IGSF10: variants seen among roughly 807,000 people sequenced by gnomAD.
IGSF10 encodes calvaria mechanical force protein 608.
A neutral mutation model predicts 128.2 loss-of-function variants in IGSF10; 126 were observed. That is an observed-to-expected ratio of 0.98 (90% CI 0.85 to 1.14). IGSF10 has a LOEUF of 1.14. IGSF10 is among the 50% of genes most tolerant of loss of function. IGSF10 has a pLI of 0.00. For synonymous variants in IGSF10, 1,185 were observed against 1,146.2 expected (o/e 1.03, Z -0.68); for missense variants, 3,295 against 3,149.8 (o/e 1.05, Z -1.10).
the IGSF10 span, among the ~76,000 whole-genome samples, chr3:151,575,902 C>A: frequency 6.6e-6 from 1 of 152,104 alleles, no homozygotes; most frequent in Non-Finnish European, 1.5e-5. Flanking sequence ...TCTTTGTGGA[C>A]TTACGTATAG....
the IGSF10 span, among the ~76,000 whole-genome samples, chr3:151,593,448 T>C: frequency 4.1e-4 from 62 of 152,160 alleles, no homozygotes; most frequent in African/African-American, 1.4e-3. Flanking sequence ...GTGAGATAGG[T>C]AGAGGCTGCT....
chr3:151,478,958 A>C, the IGSF10 span, among the ~76,000 whole-genome samples: 20 of 152,364 alleles, frequency 1.3e-4, no homozygotes, highest in East Asian at 3.5e-3. Context: ...TATTCAGAAG[A>C]AGCATTTTAA....
chr3:151,454,077 T>G (rs1326301099), intron 4 of IGSF10, among the ~76,000 whole-genome samples: 1 of 150,982 alleles, frequency 6.6e-6, no homozygotes, highest in Non-Finnish European at 1.5e-5. Flanking sequence ...GAGTGCAGTG[T>G]TGTGATCTCT....
the IGSF10 span, among the ~76,000 whole-genome samples, chr3:151,472,830 C>T: frequency 6.6e-6 from 1 of 152,150 alleles, no homozygotes; most frequent in East Asian, 1.9e-4. Context: ...GAGACTGGGT[C>T]TTCTGGAAAC....
the IGSF10 span, among the ~76,000 whole-genome samples, chr3:151,563,246 C>A: frequency 0.025 from 3,854 of 152,188 alleles, 98 homozygotes; most frequent in East Asian, 0.13. Context: ...ACTTTCTTCC[C>A]ATTTCTCCTA....
the IGSF10 span, among the ~76,000 whole-genome samples, chr3:151,479,370 AAATTT>A: frequency 4.0e-5 from 6 of 149,440 alleles, no homozygotes; most frequent in Non-Finnish European, 7.4e-5. Flanking sequence ...TCTTTTAATT[AAATTT>A]ATTTTTCACT....
the IGSF10 span, among the ~76,000 whole-genome samples, chr3:151,519,947 A>T: frequency 6.6e-6 from 1 of 151,876 alleles, no homozygotes; most frequent in Non-Finnish European, 1.5e-5. Flanking sequence ...TTTGCTTCAT[A>T]TTGAAATAAT....
the IGSF10 span, among the ~76,000 whole-genome samples, chr3:151,586,105 G>A: frequency 1.5e-4 from 23 of 150,956 alleles, no homozygotes; most frequent in Non-Finnish European, 2.1e-4. Context: ...TCAGACTCCC[G>A]AGTTGCCACC....
At chr3:151,613,244 C>T in the IGSF10 span, among the ~76,000 whole-genome samples, 3 of 152,176 alleles carry the variant, frequency 2.0e-5, no homozygotes, top group African/African-American at 7.2e-5. Context: ...AATGGCCATA[C>T]TGCCAAAGGT....
the IGSF10 span, among the ~76,000 whole-genome samples, chr3:151,609,422 G>A: frequency 5.9e-5 from 9 of 152,222 alleles, no homozygotes; most frequent in Admixed American, 5.9e-4. Context: ...CTGAGAAGCC[G>A]GATGGTTCCC....
At position 151,448,126 on chromosome 3, in the gene IGSF10, A is replaced by C; in HGVS notation, c.1855T>G (p.Ser619Ala). Residue 619 changes from serine (S) to alanine (A), a missense_variant, in exon 6 of 8, where the codon TCA (serine) becomes GCA (alanine). Transcript: ENST00000282466. ...IPGNNVLYQS[S>A]RDKKVLNNGT... ...TTGTTTAGAACTTTCTTGTCTCTTG[A>C]TGACTGATAGAGCACATTGTTTCCT... 6.2e-7 allele frequency: 1 copy of C among 1,614,132 alleles called. No homozygotes were observed. The highest frequency in any genetic ancestry group is 8.5e-7 in the Non-Finnish European group (1 of 1,179,998).
At chr3:151,438,871 G>A (rs1181862967) in intron 7 of IGSF10, among the ~76,000 whole-genome samples, 2 of 151,510 alleles carry the variant, frequency 1.3e-5, no homozygotes, top group Admixed American at 1.3e-4. Context: ...TATATAGAGA[G>A]AGAGAAATGA....
the IGSF10 span, among the ~76,000 whole-genome samples, chr3:151,493,100 T>C: frequency 6.6e-6 from 1 of 152,048 alleles, no homozygotes; most frequent in Non-Finnish European, 1.5e-5. Flanking sequence ...TTCACTCATG[T>C]GTAGAATATT....
chr3:151,566,753 C>G, the IGSF10 span, among the ~76,000 whole-genome samples: 1 of 152,190 alleles, frequency 6.6e-6, no homozygotes, highest in Non-Finnish European at 1.5e-5. Context: ...TCGGTACTAC[C>G]ATCTTTCCCT....
At chr3:151,555,104 A>G in the IGSF10 span, among the ~76,000 whole-genome samples, 2 of 152,168 alleles carry the variant, frequency 1.3e-5, no homozygotes, top group East Asian at 3.9e-4. Context: ...AGGCTGGAAG[A>G]GAACTAAGGA....
the IGSF10 span, among the ~76,000 whole-genome samples, chr3:151,540,956 C>T: frequency 6.6e-6 from 1 of 152,092 alleles, no homozygotes; most frequent in Non-Finnish European, 1.5e-5. Flanking sequence ...CAACCATCTA[C>T]ATTTTAAGTG....
rs147680975 is a variant in IGSF10, at chr3:151,454,999, C to G, written c.325-1225G>C. On this transcript the variant is annotated intron_variant, in intron 4 of 7. Coordinates refer to ENST00000282466, the MANE Select transcript of IGSF10 (RefSeq NM_178822.5). ...CCAGCCTGGGTGACAGAGCAAGATT[C>G]TGTCTCAAAAAAATAATTTAAAAGT... Among the ~76,000 whole-genome samples the G allele has an allele frequency of 5.6e-3, 857 of 152,082 alleles. 6 individuals are homozygous for G. The highest frequency in any genetic ancestry group is 0.02 in the African/African-American group (809 of 41,472).
the IGSF10 span, among the ~76,000 whole-genome samples, chr3:151,501,330 T>G: frequency 6.6e-6 from 1 of 152,102 alleles, no homozygotes; most frequent in Non-Finnish European, 1.5e-5. Context: ...TTTCTACTGC[T>G]CTTGTCAAAC....
At chr3:151,485,323 T>G in the IGSF10 span, among the ~76,000 whole-genome samples, 68 of 152,292 alleles carry the variant, frequency 4.5e-4, no homozygotes, top group South Asian at 1.9e-3. Context: ...AATCTATGTT[T>G]GATTGGTGTG....
Sources: allele counts gnomAD v4.1 joint callset (sites outside exome capture counted in the v4.1 genomes callset), GRCh38; gene constraint gnomAD v4.1.1; transcripts MANE v1.5; gene names NCBI Gene and HGNC (gene_info 2026-07-23, HGNC 2026-07-21).